DDX10: variants seen among roughly 807,000 people sequenced by gnomAD.
DDX10 encodes probable ATP-dependent RNA helicase DDX10.
DDX10 carries 74 observed loss-of-function variants against 104.3 expected under a neutral mutation model. That is an observed-to-expected ratio of 0.71 (90% CI 0.59 to 0.86). DDX10 has a LOEUF of 0.86. Among genes scored for constraint, DDX10 ranks in the 40% least tolerant of loss-of-function variants. The probability of loss-of-function intolerance (pLI) is 0.00; values close to 1 mark genes in which losing one functional copy is unlikely to be tolerated. For synonymous variants in DDX10, 351 were observed against 353.4 expected, an observed-to-expected ratio of 0.99 and a Z score of 0.08; for missense variants, 952 against 1,040.0, an observed-to-expected ratio of 0.92 and a Z score of 1.16.
At chr11:108,926,369 G>A (rs1299882525) in intron 17 of DDX10, among the ~76,000 whole-genome samples, 1 of 152,160 alleles carries the variant, frequency 6.6e-6, no homozygotes, top group African/African-American at 2.4e-5. Flanking sequence ...GCCCCAAATG[G>A]CGTTGTAGAT....
At chr11:108,712,110 A>G (rs1397729840) in intron 10 of DDX10, among the ~76,000 whole-genome samples, 2 of 152,178 alleles carry the variant, frequency 1.3e-5, no homozygotes, top group East Asian at 1.9e-4. Flanking sequence ...TGACATTAGT[A>G]TAGCTATTTT....
intron 16 of DDX10, among the ~76,000 whole-genome samples, chr11:108,898,754 A>C (rs570749006): frequency 6.6e-6 from 1 of 151,930 alleles, no homozygotes; most frequent in East Asian, 1.9e-4. Context: ...AAATACTTAC[A>C]CTCTTGCTAG....
chr11:108,820,690 G>A (rs1289921284), intron 13 of DDX10, among the ~76,000 whole-genome samples: 1 of 152,180 alleles, frequency 6.6e-6, no homozygotes, highest in Non-Finnish European at 1.5e-5. Flanking sequence ...CCATGGTCCT[G>A]TCAGAAGTTG....
At chr11:108,849,460 C>T (rs1159819378) in intron 15 of DDX10, among the ~76,000 whole-genome samples, 4 of 152,006 alleles carry the variant, frequency 2.6e-5, no homozygotes, top group Non-Finnish European at 5.9e-5. Context: ...CATGACTGCT[C>T]ATGAAATTCA....
At chr11:108,923,410 A>G (rs2114071) in intron 17 of DDX10, among the ~76,000 whole-genome samples, 1,962 of 152,324 alleles carry the variant, frequency 0.013, 143 homozygotes, top group Admixed American at 0.12. Context: ...AAAAGCTTCT[A>G]TGTGGAGTGC....
intron 16 of DDX10, among the ~76,000 whole-genome samples, chr11:108,901,898 AAG>A (rs1435258090): frequency 2.6e-5 from 4 of 152,240 alleles, no homozygotes; most frequent in African/African-American, 9.6e-5. Context: ...TGGATTCTGA[AAG>A]AACTAGAGCA....
chr11:108,756,043 G>A (rs577992453), intron 13 of DDX10, among the ~76,000 whole-genome samples: 1 of 151,444 alleles, frequency 6.6e-6, no homozygotes, highest in Admixed American at 6.6e-5. Context: ...ATATTCCAAA[G>A]TCATGTGTCA....
intron 10 of DDX10, among the ~76,000 whole-genome samples, chr11:108,712,045 A>T (rs1431493453): frequency 6.6e-6 from 1 of 152,194 alleles, no homozygotes; most frequent in Non-Finnish European, 1.5e-5. Context: ...CTTCTTTATC[A>T]TTATGTCATG....
At chr11:108,775,186 A>T (rs781557623) in intron 13 of DDX10, among the ~76,000 whole-genome samples, 2 of 152,240 alleles carry the variant, frequency 1.3e-5, no homozygotes, top group Non-Finnish European at 2.9e-5. Context: ...TAGTGAAATG[A>T]AGGAAACATT....
chr11:108,811,219 A>G lies in DDX10; in HGVS notation c.1966-27227A>G, dbSNP rs149469858. Among the ~76,000 whole-genome samples the G allele has an allele frequency of 3.8e-3, 584 of 152,326 alleles. 9 individuals are homozygous for G. The highest frequency in any genetic ancestry group is 0.013 in the African/African-American group (550 of 41,562). ...TTGGCTTTGGCTGTATATACATTCAATCATCACCTTATGGAGATAAATGGT... is the reference window on the plus strand; with the variant it reads ...TTGGCTTTGGCTGTATATACATTCAGTCATCACCTTATGGAGATAAATGGT... On this transcript the variant is annotated intron_variant, in intron 13 of 17. Coordinates refer to ENST00000322536, the MANE Select transcript of DDX10 (RefSeq NM_004398.4).
chr11:108,678,312 C>A lies in DDX10; in HGVS notation c.538-3C>A, dbSNP rs200233616. On this transcript the variant is annotated splice_region_variant and splice_polypyrimidine_tract_variant and intron_variant, in intron 4 of 17. Coordinates refer to ENST00000322536, the MANE Select transcript of DDX10 (RefSeq NM_004398.4). Reference sequence around the variant, plus strand: ...TGTAATCAAAATAAATAACTGTTTTCAGGATCTAAAACACGAAGCTGAGAG... The same window carrying A: ...TGTAATCAAAATAAATAACTGTTTTAAGGATCTAAAACACGAAGCTGAGAG... 6.2e-7 allele frequency: 1 copy of A among 1,606,120 alleles called. No homozygotes were observed. Among genetic ancestry groups the A allele is most frequent in the African/African-American group, 1.3e-5 (1 of 74,728 alleles).
intron 13 of DDX10, among the ~76,000 whole-genome samples, chr11:108,769,922 A>G (rs2094360903): frequency 6.6e-6 from 1 of 152,242 alleles, no homozygotes. Context: ...TAGTTAATGA[A>G]AAATAACTGT....
chr11:108,782,203 G>A (rs2094379106), intron 13 of DDX10, among the ~76,000 whole-genome samples: 1 of 152,082 alleles, frequency 6.6e-6, no homozygotes, highest in South Asian at 2.1e-4. Flanking sequence ...CTTTTCTTAG[G>A]TTTCTGCTTA....
At chr11:108,929,521 A>G (rs1043054508) in intron 17 of DDX10, 7 of 152,214 alleles carry the variant, frequency 4.6e-5, no homozygotes, top group Admixed American at 6.5e-5. Context: ...CCTCATCATC[A>G]TTCTACCCAT....
intron 16 of DDX10, among the ~76,000 whole-genome samples, chr11:108,914,845 A>AC (rs951824126): frequency 2.6e-5 from 4 of 151,646 alleles, no homozygotes; most frequent in African/African-American, 4.8e-5. Context: ...TAAAAAAAAA[A>AC]AAAACTGGAA....
At chr11:108,789,913 C>T (rs1861847532) in intron 13 of DDX10, among the ~76,000 whole-genome samples, 1 of 152,208 alleles carries the variant, frequency 6.6e-6, no homozygotes, top group Admixed American at 6.5e-5. Context: ...GACTTGTCCC[C>T]TCTTGATTAA....
intron 13 of DDX10, among the ~76,000 whole-genome samples, chr11:108,819,851 G>A (rs970486923): frequency 6.6e-6 from 1 of 152,032 alleles, no homozygotes; most frequent in African/African-American, 2.4e-5. Flanking sequence ...CACCCGCCTC[G>A]GCCTCCCAAA....
intron 16 of DDX10, among the ~76,000 whole-genome samples, chr11:108,879,776 A>G (rs1048760779): frequency 1.3e-5 from 2 of 152,212 alleles, no homozygotes; most frequent in Non-Finnish European, 2.9e-5. Context: ...AAAATGAATT[A>G]TACATTCTAA....
intron 13 of DDX10, among the ~76,000 whole-genome samples, chr11:108,731,034 TAGAA>T (rs2094311489): frequency 6.6e-6 from 1 of 151,862 alleles, no homozygotes; most frequent in African/African-American, 2.4e-5. Flanking sequence ...CCAGTTGAAA[TAGAA>T]AGGCTAATTG....
Sources: gnomAD v4.1 joint callset for allele counts (sites outside exome capture counted in the v4.1 genomes callset) on GRCh38, gnomAD v4.1.1 for gene constraint, MANE v1.5 for transcripts, NCBI Gene and HGNC (gene_info 2026-07-23, HGNC 2026-07-21) for gene names.